Variants in TAMALIN observed in about 807,000 individuals in gnomAD.
TAMALIN encodes trafficking regulator and scaffold protein tamalin.
Under a neutral mutation model 38.5 loss-of-function variants are expected in TAMALIN, and 9 were observed. That is an observed-to-expected ratio of 0.23 (90% CI 0.14 to 0.41). TAMALIN has a LOEUF of 0.41. Ranked by LOEUF, TAMALIN falls within the 10% of genes least tolerant of loss-of-function variation. The pLI is 1.00. For synonymous variants in TAMALIN, 306 were observed against 256.5 expected, an observed-to-expected ratio of 1.19 and a Z score of -1.85; for missense variants, 548 against 554.1, an observed-to-expected ratio of 0.99 and a Z score of 0.11.
intron 6 of TAMALIN, 57 bp downstream of exon 6, chr12:52,014,000 T>A (rs927982537): frequency 1.6e-5 from 25 of 1,583,284 alleles, no homozygotes; most frequent in Non-Finnish European, 2.2e-5. Context: ...GCCTCTGCCC[T>A]GTGGGGGGTC....
intron 2 of TAMALIN, among the ~76,000 whole-genome samples, chr12:52,009,828 G>C (rs1198851643): frequency 1.3e-5 from 2 of 152,164 alleles, no homozygotes; most frequent in African/African-American, 4.8e-5. Context: ...CTCTAAAATG[G>C]ATCAGCAAAC....
In TAMALIN at chr12:52,007,931, C is replaced by G. The variant is rs1202865659; in HGVS notation, c.246+666C>G. 1.0e-6 allele frequency: 1 copy of G among 985,352 alleles called. No homozygotes were observed. The highest frequency in any genetic ancestry group is 1.7e-5 in the African/African-American group (1 of 57,252). 61.0% of individuals were successfully genotyped at this position (985,352 alleles called of 1,614,324 possible). A position where few individuals can be genotyped will look rare whatever the true frequency, so the allele number is the denominator to read the frequency against. On this transcript the variant is annotated intron_variant, in intron 1 of 7. Transcript: ENST00000293662. The surrounding 1 kb of genome is among the most constrained non-coding windows in gnomAD (Gnocchi z 6.7). ...GGCCGCGCCCACCTCTGAGTCCCCT[C>G]TGCCAGCCTCTTCCTCTGGCCCCAG... is the stretch of plus-strand genomic sequence containing the variant.
Position 52,010,599 on chromosome 12 carries a change from T to C in TAMALIN, c.297-282T>C, listed in dbSNP as rs760982684. On this transcript the variant is annotated intron_variant, in intron 2 of 7. Coordinates refer to ENST00000293662, the MANE Select transcript of TAMALIN (RefSeq NM_181711.4). ...TGTAGGGCTCACTGGAAAGCTGGGA[T>C]GGGGCTAAAAAACTCAGCCGGCTCA... The C allele has an allele frequency of 1.3e-5, 16 of 1,225,664 alleles. No homozygotes were observed. The Middle Eastern group carries it at 1.1e-3, about 81-fold the overall frequency. The allele number at this position is 1,225,664 out of a possible 1,614,324, so 75.9% of individuals were successfully genotyped here.
In TAMALIN at chr12:52,015,208, G is replaced by A. The variant is rs1380389328; in HGVS notation, c.*9G>A. 3.8e-6 allele frequency: 6 copies of A among 1,581,682 alleles called. No individual in the cohort carries two copies. The East Asian group carries it at 1.1e-4, about 30-fold the overall frequency. On this transcript the variant is annotated 3_prime_UTR_variant, in exon 8 of 8. Transcript: ENST00000293662. ...AGGAGAGCCAGCTGTAGGGGCGGGG[G>A]CGGGCAGGGAGGTATTTATTTATTT...
intron 2 of TAMALIN, among the ~76,000 whole-genome samples, chr12:52,009,708 C>T (rs909865314): frequency 1.3e-5 from 2 of 152,226 alleles, no homozygotes; most frequent in African/African-American, 4.8e-5. Flanking sequence ...TGTGGCAGCC[C>T]TCTTAGGAGG....
chr12:52,013,042 G>T (rs989758749), intron 4 of TAMALIN, among the ~76,000 whole-genome samples: 1 of 151,640 alleles, frequency 6.6e-6, no homozygotes, highest in Non-Finnish European at 1.5e-5. Context: ...GTAGCCCAGG[G>T]TCCTGGGTGG....
chr12:52,007,210 C>A lies in TAMALIN; in HGVS notation c.191C>A (p.Pro64His). The change falls in exon 1 of 8, where the codon CCT becomes CAT. Residue 64 changes from proline (P) to histidine (H), a missense_variant. Around this residue, in one of 3 missense-constraint regions of TAMALIN, gnomAD observed 128 missense variants for 117.9 expected, o/e 1.09. Transcript: ENST00000293662. This position sits in a 1 kb window ranked among gnomAD's most constrained non-coding sequence, Gnocchi z 6.7. Reference sequence around the variant, plus strand: ...TACGCGGCGCTGGAGGACTATCACCCTGCCGAGCTGTACCGCGCGCTCGCC... The same window carrying A: ...TACGCGGCGCTGGAGGACTATCACCATGCCGAGCTGTACCGCGCGCTCGCC... The part of the protein sequence containing the change: ...ELYAALEDYH[P>H]AELYRALAVS... 6.6e-7 allele frequency: 1 copy of A among 1,515,248 alleles called. No individual in the cohort carries two copies. The highest frequency in any genetic ancestry group is 1.3e-5 in the South Asian group (1 of 79,402). The allele number at this position is 1,515,248 out of a possible 1,614,324, so 93.9% of individuals were successfully genotyped here. A position where few individuals can be genotyped will look rare whatever the true frequency, so the allele number is the denominator to read the frequency against.
intron 2 of TAMALIN, 111 bp downstream of exon 2, chr12:52,009,350 T>A: frequency 2.9e-6 from 3 of 1,022,430 alleles, no homozygotes; most frequent in Non-Finnish European, 4.5e-6. Flanking sequence ...TCCTAGCCTT[T>A]AAACATGGCT....
In TAMALIN at chr12:52,015,109, C is replaced by A. The variant is rs1937776009; in HGVS notation, c.1098C>A (p.Arg366=). Residue 366 remains arginine, a synonymous_variant, in exon 8 of 8, where the codon CGC becomes CGA. Transcript: ENST00000293662. ...AGGCCCTATGCGGCCCCGGCCTGCG[C>A]AAAACCAAGTACCGCAGCTTCCGCC... ...REQALCGPGL[R]KTKYRSFRRR... 1 of 1,579,060 alleles carries A rather than the reference C, an allele frequency of 6.3e-7. No homozygotes were observed. The highest frequency in any genetic ancestry group is 1.3e-5 in the African/African-American group (1 of 74,320).
chr12:52,012,379 G>A (rs1228071598), intron 4 of TAMALIN, among the ~76,000 whole-genome samples: 3 of 152,076 alleles, frequency 2.0e-5, no homozygotes, highest in African/African-American at 7.2e-5. Flanking sequence ...TCAGCCTCCC[G>A]AGTAGCTGGG....
rs1937799510 is a variant in TAMALIN at position 52,015,864 on chromosome 12, A to C, written c.*665A>C. Reference sequence around the variant, plus strand: ...GCATATTGTTGCTTCTGAACCACAAACTGTATAAATGGATGGTTTTTTGCA... The same window carrying C: ...GCATATTGTTGCTTCTGAACCACAACCTGTATAAATGGATGGTTTTTTGCA... On this transcript the variant is annotated 3_prime_UTR_variant, in exon 8 of 8. Transcript: ENST00000293662. 1 of 152,726 alleles carries C rather than the reference A, an allele frequency of 6.5e-6. No individual in the cohort carries two copies. Among genetic ancestry groups the C allele is most frequent in the East Asian group, 1.9e-4 (1 of 5,194 alleles). 9.5% of individuals were successfully genotyped at this position (152,726 alleles called of 1,614,324 possible).
At chr12:52,010,527 C>T (rs1351166587) in intron 2 of TAMALIN, 2 of 1,132,322 alleles carry the variant, frequency 1.8e-6, no homozygotes, top group East Asian at 6.7e-5. Flanking sequence ...AGAGGAGGCT[C>T]CAGGCTGTGG....
intron 2 of TAMALIN, 103 bp from the exon 3 acceptor site, chr12:52,010,778 T>C: frequency 8.1e-7 from 1 of 1,236,484 alleles, no homozygotes; most frequent in Non-Finnish European, 1.2e-6. Flanking sequence ...GACAGAGTCC[T>C]GCTGGAATGT....
intron 3 of TAMALIN, 25 bp downstream of exon 3, chr12:52,010,960 CAG>C: frequency 1.2e-6 from 2 of 1,614,090 alleles, no homozygotes; most frequent in South Asian, 2.2e-5. Context: ...ACACAGGGGT[CAG>C]GGGGGTTGGA....
In TAMALIN at chr12:52,014,674, C is replaced by T; in HGVS notation, c.683-20C>T. On this transcript the variant is annotated intron_variant, in intron 7 of 7. Coordinates refer to ENST00000293662, the MANE Select transcript of TAMALIN (RefSeq NM_181711.4). ...CGGTCCAGGCCTGACCCGCCCCCTA[C>T]CTCTCCCGTCTCTGCGCAGGCCTGG... is the stretch of plus-strand genomic sequence containing the variant. The T allele has an allele frequency of 6.8e-7, 1 of 1,464,420 alleles. No homozygotes were observed. 90.7% of individuals were successfully genotyped at this position (1,464,420 alleles called of 1,614,324 possible). A position where few individuals can be genotyped will look rare whatever the true frequency, so the allele number is the denominator to read the frequency against.
Position 52,013,725 on chromosome 12 carries a change from G to T in TAMALIN, c.493G>T (p.Gly165Cys), listed in dbSNP as rs1206577139. Residue 165 changes from glycine (G) to cysteine (C), a missense_variant, in exon 5 of 8, where the codon GGC (glycine) becomes TGC (cysteine). Transcript: ENST00000293662. ...IASVNGLNVEGIRHREIVDII... is the reference protein window; with the variant it reads ...IASVNGLNVECIRHREIVDII... The stretch of plus-strand genomic sequence containing the variant: ...CAGCGTCAATGGCCTGAATGTGGAA[G>T]GCATCCGGCATCGAGAGATTGTGGA... The T allele has an allele frequency of 6.2e-7, 1 of 1,614,166 alleles. No homozygotes were observed. The highest frequency in any genetic ancestry group is 8.5e-7 in the Non-Finnish European group (1 of 1,180,030).
chr12:52,014,908 G>GC lies in TAMALIN; in HGVS notation c.902dup (p.Pro302AlafsTer53). 8.9e-7 allele frequency: 1 copy of GC among 1,122,784 alleles called. No individual in the cohort carries two copies. The highest frequency in any genetic ancestry group is 1.1e-6 in the Non-Finnish European group (1 of 911,644). The allele number at this position is 1,122,784 out of a possible 1,614,324, so 69.6% of individuals were successfully genotyped here. On this transcript the variant is annotated frameshift_variant, in exon 8 of 8. Transcript: ENST00000293662. LOFTEE classifies it high-confidence loss of function. ...GGGACTCCGAGCCGCCGGCGCTGCC[G>GC]CCCCCGCCGCCCCCGGCCCGCGCCT... is the stretch of plus-strand genomic sequence containing the variant.
In TAMALIN at chr12:52,007,082, CG is replaced by C; in HGVS notation, c.64del (p.Ala22ProfsTer81). 6.8e-7 allele frequency: 1 copy of C among 1,476,382 alleles called. No individual in the cohort carries two copies. The highest frequency in any genetic ancestry group is 2.9e-5 in the East Asian group (1 of 33,986). 91.5% of individuals were successfully genotyped at this position (1,476,382 alleles called of 1,614,324 possible). ...AGGAGGCGGCGGCCACCCCGGACCC[CG>C]CCGCCCGGACTCCCGACTCGGAAGT... ...KEEAAATPDP[A>X]ARTPDSEVAP... On this transcript the variant is annotated frameshift_variant, in exon 1 of 8. Transcript: ENST00000293662. LOFTEE classifies it high-confidence loss of function. The surrounding 1 kb of genome is among the most constrained non-coding windows in gnomAD (Gnocchi z 6.7).
In TAMALIN at chr12:52,010,865, CCT is replaced by C. The variant is rs747707608; in HGVS notation, c.297-15_297-14del. 37 of 1,613,838 alleles carry C rather than the reference CCT, an allele frequency of 2.3e-5. No individual in the cohort carries two copies. In the East Asian group the frequency reaches 2.5e-4, roughly 11 times the overall value. ...CCTTTTAATCCTAATTGTCTTGACC[CCT>C]GTGTCTCTTGCAGGAAAGTGCTGAC... On this transcript the variant is annotated splice_polypyrimidine_tract_variant and intron_variant, in intron 2 of 7. Coordinates refer to ENST00000293662, the MANE Select transcript of TAMALIN (RefSeq NM_181711.4).
Sources: gnomAD v4.1 joint callset for allele counts (sites outside exome capture counted in the v4.1 genomes callset) on GRCh38, gnomAD v4.1.1 for gene constraint, gnomAD v4.1.1 regional missense constraint, Gnocchi (gnomAD v3.1) non-coding constraint, MANE v1.5 for transcripts, NCBI Gene and HGNC (gene_info 2026-07-23, HGNC 2026-07-21) for gene names.